Variants in NCOR2 observed in about 807,000 individuals in gnomAD.
NCOR2 encodes CTG repeat protein 26.
Under a neutral mutation model 262.9 loss-of-function variants are expected in NCOR2, and 81 were observed. The observed-to-expected ratio is 0.31, with a 90% CI of 0.26 to 0.37. NCOR2 has a LOEUF of 0.37. NCOR2 is among the 10% of genes least tolerant of loss of function. The probability of loss-of-function intolerance (pLI) is 1.00; values close to 1 mark genes in which losing one functional copy is unlikely to be tolerated. For synonymous variants in NCOR2, 1,659 were observed against 1,559.3 expected (o/e 1.06, Z -1.51); for missense variants, 3,385 against 3,621.4 (o/e 0.93, Z 1.68).
At chr12:124,405,640 G>A (rs1001495403) in intron 13 of NCOR2, among the ~76,000 whole-genome samples, 2 of 152,220 alleles carry the variant, frequency 1.3e-5, no homozygotes, top group East Asian at 1.9e-4. Context: ...ACATCTGCAG[G>A]GTCTCGCAGT....
intron 38 of NCOR2, chr12:124,335,870 G>A: frequency 1.9e-6 from 1 of 537,612 alleles, no homozygotes; most frequent in South Asian, 2.8e-5. Context: ...CAGAGAGGGA[G>A]ACACAGAGAG....
At chr12:124,403,465 G>A (rs965173589) in intron 13 of NCOR2, among the ~76,000 whole-genome samples, 3 of 150,626 alleles carry the variant, frequency 2.0e-5, no homozygotes, top group Non-Finnish European at 2.9e-5. Flanking sequence ...TCCTGGCACC[G>A]CCTCCCGATT....
At chr12:124,360,070 G>C (rs1221190271) in intron 22 of NCOR2, among the ~76,000 whole-genome samples, 1 of 152,222 alleles carries the variant, frequency 6.6e-6, no homozygotes, top group Non-Finnish European at 1.5e-5. Context: ...CTTTCTCCCA[G>C]GACAGGGGCC....
chr12:124,519,696 G>A (rs554306819), intron 1 of NCOR2, among the ~76,000 whole-genome samples: 1 of 152,290 alleles, frequency 6.6e-6, no homozygotes, highest in African/African-American at 2.4e-5. Flanking sequence ...AGCATCTTGA[G>A]AGTAATAATA....
intron 1 of NCOR2, among the ~76,000 whole-genome samples, chr12:124,500,874 G>A (rs1441800986): frequency 6.6e-6 from 1 of 152,178 alleles, no homozygotes; most frequent in Non-Finnish European, 1.5e-5. Context: ...GATGTGCCCG[G>A]AGCGCTCAGC....
chr12:124,461,307 G>A (rs1252625658), intron 5 of NCOR2, among the ~76,000 whole-genome samples: 5 of 152,240 alleles, frequency 3.3e-5, no homozygotes, highest in African/African-American at 9.6e-5. Context: ...ACCTGGCTCT[G>A]AGAGGAAAGG....
chr12:124,357,231 C>T (rs75548337), intron 22 of NCOR2, among the ~76,000 whole-genome samples: 4,450 of 152,306 alleles, frequency 0.029, 101 homozygotes, highest in South Asian at 0.1. Flanking sequence ...TTACAGCAGC[C>T]TTCACCTCTG....
intron 1 of NCOR2, among the ~76,000 whole-genome samples, chr12:124,509,249 G>C (rs867259370): frequency 3.4e-5 from 5 of 145,966 alleles, no homozygotes; most frequent in African/African-American, 1.1e-4. Context: ...GGGGGGGGGG[G>C]CTTAACTCTG....
upstream of NCOR2, among the ~76,000 whole-genome samples, chr12:124,536,730 T>A (rs1428236330): frequency 6.6e-6 from 1 of 152,212 alleles, no homozygotes; most frequent in African/African-American, 2.4e-5. Flanking sequence ...GCAACTACTT[T>A]GCAAAAACAG....
intron 15 of NCOR2, among the ~76,000 whole-genome samples, chr12:124,399,451 G>T (rs140190294): frequency 1.3e-5 from 2 of 152,304 alleles, no homozygotes; most frequent in African/African-American, 4.8e-5. Flanking sequence ...GGGCCTCCAA[G>T]TACACCGCCA....
intron 7 of NCOR2, 81 bp downstream of exon 9, chr12:124,449,734 C>A: frequency 6.6e-7 from 1 of 1,518,580 alleles, no homozygotes. Flanking sequence ...GAGCCCACGT[C>A]CCACATCCCA....
exon 13 of NCOR2, chr12:124,419,999 C>T (rs762861073): frequency 1.2e-6 from 2 of 1,614,002 alleles, no homozygotes; most frequent in South Asian, 2.2e-5. Flanking sequence ...TCACCAGGCT[C>T]TTATAGTTCT....
At chr12:124,405,321 G>A (rs968730771) in intron 13 of NCOR2, among the ~76,000 whole-genome samples, 4 of 152,216 alleles carry the variant, frequency 2.6e-5, no homozygotes, top group Non-Finnish European at 4.4e-5. Flanking sequence ...AAGCCTTGCC[G>A]CCTCCTCTTC....
At chr12:124,395,235 G>T (rs761037110) in intron 16 of NCOR2, among the ~76,000 whole-genome samples, 4 of 152,090 alleles carry the variant, frequency 2.6e-5, no homozygotes, top group Non-Finnish European at 4.4e-5. Flanking sequence ...CTAACTCTTG[G>T]TTTTCTGGGC....
chr12:124,348,171 C>A lies in NCOR2; in HGVS notation c.3985+3G>T, dbSNP rs753639642. The A allele has an allele frequency of 7.5e-6, 12 of 1,610,126 alleles. No individual in the cohort carries two copies. Among genetic ancestry groups the A allele is most frequent in the Non-Finnish European group, 1.0e-5 (12 of 1,180,036 alleles). ...AGAGATGAAGTCTCCTCCCTGCTAT[C>A]ACCTTCGATGCTGGCTGAGGAGATG... On this transcript the variant is annotated splice_donor_region_variant and intron_variant, in intron 29 of 46. Transcript: ENST00000405201.
chr12:124,495,170 C>A lies in NCOR2; in HGVS notation c.82G>T (p.Val28Leu). The stretch of plus-strand genomic sequence containing the variant: ...ACCGTGTGCGTCCGGGCGATCTGCA[C>A]TGGGTAGGAAAGGCTGTGGGGCGGG... Residue 28 changes from valine (V) to leucine (L), a missense_variant, in exon 1 of 47, where the codon GTG (valine) becomes TTG (leucine). Val to Leu is a conservative substitution (Grantham distance 32). This residue lies in a region of NCOR2 where 237 missense variants were observed against 229.4 expected (regional missense o/e 1.03). Coordinates refer to ENST00000405201, the Ensembl canonical transcript of NCOR2. This position sits in a 1 kb window ranked among gnomAD's most constrained non-coding sequence, Gnocchi z 4.4. 6.2e-7 allele frequency: 1 copy of A among 1,613,986 alleles called. No homozygotes were observed. Among genetic ancestry groups the A allele is most frequent in the South Asian group, 1.1e-5 (1 of 91,088 alleles).
chr12:124,384,146 T>C (rs1165003255), intron 17 of NCOR2, among the ~76,000 whole-genome samples: 1 of 152,192 alleles, frequency 6.6e-6, no homozygotes, highest in East Asian at 1.9e-4. Context: ...CCCCAAGTCA[T>C]CCTGGATGAA....
intron 16 of NCOR2, among the ~76,000 whole-genome samples, chr12:124,392,484 C>T (rs1465246091): frequency 1.3e-5 from 2 of 152,152 alleles, no homozygotes; most frequent in Admixed American, 6.5e-5. Context: ...CCTGGTATAC[C>T]ACCCCTCCTG....
At chr12:124,551,402 C>T (rs1036920549) in intron 1 of NCOR2, among the ~76,000 whole-genome samples, 1 of 152,240 alleles carries the variant, frequency 6.6e-6, no homozygotes, top group African/African-American at 2.4e-5. Flanking sequence ...GTTCCCAGGC[C>T]GTGCAGCGAT....
Sources: gnomAD v4.1 joint callset for allele counts (sites outside exome capture counted in the v4.1 genomes callset) on GRCh38, gnomAD v4.1.1 for gene constraint, gnomAD v4.1.1 regional missense constraint, Gnocchi (gnomAD v3.1) non-coding constraint, MANE v1.5 for transcripts, NCBI Gene and HGNC (gene_info 2026-07-23, HGNC 2026-07-21) for gene names.